Variants in EPM2A observed in about 807,000 individuals in gnomAD.
EPM2A encodes laforin.
Under a neutral mutation model 26.5 loss-of-function variants are expected in EPM2A, and 21 were observed. The observed-to-expected ratio is 0.79, with a 90% CI of 0.56 to 1.14. The LOEUF is 1.14. EPM2A is among the 50% of genes most tolerant of loss of function. The pLI, the probability that EPM2A is intolerant of heterozygous loss-of-function variation, is 0.00. For missense variants in EPM2A, 458 were observed against 440.8 expected (o/e 1.04, Z -0.35); for synonymous variants, 217 against 177.6 (o/e 1.22, Z -1.76).
At chr6:145,601,652 G>C (rs527634249) in intron 2 of EPM2A, among the ~76,000 whole-genome samples, 1 of 152,260 alleles carries the variant, frequency 6.6e-6, no homozygotes, top group South Asian at 2.1e-4. Context: ...TGATGGCAAG[G>C]CCTATTTAGA....
At chr6:145,538,188 C>T (rs1780459292) in intron 2 of EPM2A, among the ~76,000 whole-genome samples, 1 of 152,052 alleles carries the variant, frequency 6.6e-6, no homozygotes. Flanking sequence ...ACACTGTCTT[C>T]CACAATGGTT....
intron 4 of EPM2A, among the ~76,000 whole-genome samples, chr6:145,427,886 T>C (rs1778871464): frequency 6.6e-6 from 1 of 152,188 alleles, no homozygotes; most frequent in African/African-American, 2.4e-5. Context: ...AATCACATTT[T>C]ACTTTAAGTG....
intron 2 of EPM2A, among the ~76,000 whole-genome samples, chr6:145,547,030 A>C (rs1562377729): frequency 6.6e-6 from 1 of 152,154 alleles, no homozygotes; most frequent in Non-Finnish European, 1.5e-5. Flanking sequence ...ATACTCAACC[A>C]GTTGTTCCCT....
intron 2 of EPM2A, among the ~76,000 whole-genome samples, chr6:145,589,720 G>T (rs1781243415): frequency 6.6e-6 from 1 of 151,990 alleles, no homozygotes; most frequent in African/African-American, 2.4e-5. Context: ...TCTTGGTGAT[G>T]CCCTGTATAG....
chr6:145,676,412 A>T lies in EPM2A; in HGVS notation c.476+9710T>A, dbSNP rs533706479. Among the ~76,000 whole-genome samples, 6 of 152,322 alleles carry T rather than the reference A, an allele frequency of 3.9e-5. No homozygotes were observed. In the South Asian group the frequency reaches 1.2e-3, roughly 32 times the overall value. On this transcript the variant is annotated intron_variant, in intron 2 of 3. Coordinates refer to ENST00000367519, the MANE Select transcript of EPM2A (RefSeq NM_005670.4). The stretch of plus-strand genomic sequence containing the variant: ...AATTCAAAAGGTAGCAGAAGGCAAG[A>T]AGTAACTAAGATCAGAGCAGAACTG...
At chr6:145,546,489 A>G (rs1228480730) in intron 2 of EPM2A, among the ~76,000 whole-genome samples, 1 of 152,146 alleles carries the variant, frequency 6.6e-6, no homozygotes, top group Admixed American at 6.6e-5. Flanking sequence ...CCTCACAGAC[A>G]TACCCAGAAA....
intron 4 of EPM2A, chr6:145,490,300 G>T: frequency 1.4e-6 from 2 of 1,462,624 alleles, no homozygotes; most frequent in Non-Finnish European, 1.8e-6. Flanking sequence ...CTTTGAACTG[G>T]TCCCAGCTGT....
At chr6:145,708,316 T>C (rs1429125409) in intron 1 of EPM2A, among the ~76,000 whole-genome samples, 5 of 151,786 alleles carry the variant, frequency 3.3e-5, no homozygotes, top group Non-Finnish European at 5.9e-5. Flanking sequence ...ACCAAGACAA[T>C]GGGGAAAATG....
chr6:145,632,739 C>A (rs1014869029), intron 3 of EPM2A, among the ~76,000 whole-genome samples: 1 of 152,136 alleles, frequency 6.6e-6, no homozygotes, highest in Non-Finnish European at 1.5e-5. Context: ...CTCTAGAGTT[C>A]TAAAAATATT....
At chr6:145,485,992 T>C (rs1779666625) in intron 4 of EPM2A, among the ~76,000 whole-genome samples, 1 of 152,240 alleles carries the variant, frequency 6.6e-6, no homozygotes, top group African/African-American at 2.4e-5. Context: ...TCCCACCACA[T>C]GTGGGAATTA....
At chr6:145,705,763 A>C (rs1393107729) in intron 1 of EPM2A, 4 of 419,226 alleles carry the variant, frequency 9.5e-6, no homozygotes, top group Middle Eastern at 3.5e-4. Context: ...ACTTCCTCTC[A>C]TATTTTACTG....
chr6:145,681,644 T>G (rs1780546013), intron 2 of EPM2A, among the ~76,000 whole-genome samples: 1 of 151,736 alleles, frequency 6.6e-6, no homozygotes, highest in Admixed American at 6.6e-5. Flanking sequence ...ATTTATTAAA[T>G]AGGGAATCCT....
At chr6:145,652,225 A>G (rs1466620127) in intron 2 of EPM2A, among the ~76,000 whole-genome samples, 2 of 152,216 alleles carry the variant, frequency 1.3e-5, no homozygotes, top group Non-Finnish European at 2.9e-5. Flanking sequence ...TAAAATAAAG[A>G]TAGTGCCAAA....
At chr6:145,434,231 C>T (rs1301495336) in intron 4 of EPM2A, among the ~76,000 whole-genome samples, 1 of 149,978 alleles carries the variant, frequency 6.7e-6, no homozygotes, top group Non-Finnish European at 1.5e-5. Flanking sequence ...TTCAATTTCT[C>T]TTTGTTTTCT....
chr6:145,501,974 A>G (rs1345083911), intron 3 of EPM2A: 1 of 411,880 alleles, frequency 2.4e-6, no homozygotes, highest in Non-Finnish European at 4.9e-6. Flanking sequence ...GTGCTGGAGT[A>G]AAAGGAAGAG....
chr6:145,611,351 T>C (rs73568357), intron 2 of EPM2A, among the ~76,000 whole-genome samples: 2,414 of 152,126 alleles, frequency 0.016, 62 homozygotes, highest in African/African-American at 0.054. Context: ...AACTTCGACT[T>C]CTGCTTGCCA....
downstream of EPM2A, among the ~76,000 whole-genome samples, chr6:145,622,276 T>C (rs552723121): frequency 1.3e-5 from 2 of 152,234 alleles, no homozygotes; most frequent in Non-Finnish European, 2.9e-5. Flanking sequence ...AGTTCTCTTT[T>C]ACAAGCTAAA....
intron 2 of EPM2A, among the ~76,000 whole-genome samples, chr6:145,555,106 T>C (rs1385658066): frequency 6.6e-6 from 1 of 152,124 alleles, no homozygotes; most frequent in African/African-American, 2.4e-5. Context: ...CAGTTCTTCA[T>C]CAGTAAATGG....
intron 2 of EPM2A, among the ~76,000 whole-genome samples, chr6:145,644,174 T>C (rs1777286875): frequency 6.6e-6 from 1 of 152,218 alleles, no homozygotes; most frequent in Admixed American, 6.5e-5. Context: ...ATCCTCCTGC[T>C]AAAGCAAACA....
Sources: gnomAD v4.1 joint callset for allele counts (sites outside exome capture counted in the v4.1 genomes callset) on GRCh38, gnomAD v4.1.1 for gene constraint, MANE v1.5 for transcripts, NCBI Gene and HGNC (gene_info 2026-07-23, HGNC 2026-07-21) for gene names.